DIP2A: variants seen among roughly 807,000 people sequenced by gnomAD.
DIP2A encodes DIP2 acetate--CoA ligase A.
In DIP2A, 85 loss-of-function variants were observed where a neutral mutation model predicts 177.4. The observed-to-expected ratio is 0.48, with a 90% CI of 0.40 to 0.57. The LOEUF (loss-of-function observed/expected upper bound fraction) is 0.57. DIP2A is among the 20% of genes least tolerant of loss of function. DIP2A has a pLI of 0.00. For synonymous variants in DIP2A, 886 were observed against 881.8 expected (o/e 1.00, Z -0.08); for missense variants, 1,791 against 2,100.2 (o/e 0.85, Z 2.88).
Position 46,498,455 on chromosome 21 carries a change from G to T in DIP2A, c.404-127G>T, listed in dbSNP as rs1053469159. On this transcript the variant is annotated intron_variant, in intron 4 of 37. Coordinates refer to ENST00000417564, the MANE Select transcript of DIP2A (RefSeq NM_015151.4). The surrounding 1 kb of genome is among the most constrained non-coding windows in gnomAD (Gnocchi z 4.3). ...CTTTGAGCTGACTGCGTGGCTTTGG[G>T]CAGAGCTGTGCCAGGTGTACAGAAG... 8.4e-7 allele frequency: 1 copy of T among 1,193,734 alleles called. No homozygotes were observed. Among genetic ancestry groups the T allele is most frequent in the Admixed American group, 2.2e-5 (1 of 45,558 alleles). The allele number at this position is 1,193,734 out of a possible 1,614,324, so 73.9% of individuals were successfully genotyped here. A position where few individuals can be genotyped will look rare whatever the true frequency, so the allele number is the denominator to read the frequency against.
chr21:46,477,234 A>G (rs987119922), intron 1 of DIP2A, among the ~76,000 whole-genome samples: 5 of 152,204 alleles, frequency 3.3e-5, no homozygotes, highest in African/African-American at 1.2e-4. Context: ...TAGAATATCA[A>G]AACTAAAGAT....
chr21:46,459,547 TGCCCCTCACCCCCGGAACCCCGCGCG>T (rs1384281503), intron 1 of DIP2A, among the ~76,000 whole-genome samples: 3 of 5,162 alleles, frequency 5.8e-4, no homozygotes, highest in Admixed American at 2.6e-3. Flanking sequence ...CGGGACCTCC[TGCCCCTCACCCCCGGAACCCCGCGCG>T]GCCCCTCACC....
chr21:46,560,406 G>A (rs547538139), intron 32 of DIP2A, among the ~76,000 whole-genome samples: 4 of 152,324 alleles, frequency 2.6e-5, no homozygotes, highest in South Asian at 2.1e-4. Context: ...AAATCCTAAT[G>A]GTGTTTTCAT....
chr21:46,530,420 G>A (rs1414939265), intron 9 of DIP2A, among the ~76,000 whole-genome samples: 1 of 152,176 alleles, frequency 6.6e-6, no homozygotes, highest in East Asian at 1.9e-4. Context: ...GAGTGAGAAA[G>A]AGACAAGAAA....
intron 32 of DIP2A, among the ~76,000 whole-genome samples, chr21:46,559,334 A>G (rs1273005881): frequency 1.3e-5 from 2 of 152,226 alleles, no homozygotes; most frequent in Admixed American, 6.5e-5. Flanking sequence ...CTGGAAGGAA[A>G]TGGCACCTGT....
intron 8 of DIP2A, among the ~76,000 whole-genome samples, chr21:46,522,058 C>A (rs2058847669): frequency 6.6e-6 from 1 of 152,210 alleles, no homozygotes; most frequent in Admixed American, 6.5e-5. Flanking sequence ...ATTTAGCAAA[C>A]CTAATATCTG....
At position 46,493,077 on chromosome 21, in the gene DIP2A, TG is replaced by T. The variant is rs371146371; in HGVS notation, c.283+2359del. On this transcript the variant is annotated intron_variant, in intron 3 of 37. Coordinates refer to ENST00000417564, the MANE Select transcript of DIP2A (RefSeq NM_015151.4). ...ACCGGACACCAACCATGAGGCACCTTGATCTTGGACATACAGTCTCCAGTAA... is the reference window on the plus strand; with the variant it reads ...ACCGGACACCAACCATGAGGCACCTTATCTTGGACATACAGTCTCCAGTAA... 4.9e-4 allele frequency among the ~76,000 whole-genome samples: 75 copies of T among 152,284 alleles called. 1 individual carries two copies. The highest frequency in any genetic ancestry group is 3.4e-3 in the Middle Eastern group (1 of 294).
In DIP2A at chr21:46,558,368, G is replaced by A. The variant is rs1479571486; in HGVS notation, c.3944G>A (p.Arg1315Lys). The change falls in exon 32 of 38, where the codon AGG becomes AAG. Residue 1315 changes from arginine (R) to lysine (K), a missense_variant. Coordinates refer to ENST00000417564, the MANE Select transcript of DIP2A (RefSeq NM_015151.4). ...ARAVSTTFGCRVNVAICLQGT... is the reference protein window; with the variant it reads ...ARAVSTTFGCKVNVAICLQGT... ...GCCGTAAGCACCACGTTCGGGTGCA[G>A]GGTCAACGTGGCCATCTGCCTCCAG... 6.3e-7 allele frequency: 1 copy of A among 1,596,650 alleles called. No homozygotes were observed. Among genetic ancestry groups the A allele is most frequent in the Non-Finnish European group, 8.5e-7 (1 of 1,173,488 alleles).
intron 1 of DIP2A, among the ~76,000 whole-genome samples, chr21:46,476,309 G>T (rs538181780): frequency 5.9e-5 from 9 of 152,184 alleles, no homozygotes; most frequent in Admixed American, 3.9e-4. Context: ...ACTAACTGCC[G>T]TGTGGTATTA....
intron 9 of DIP2A, among the ~76,000 whole-genome samples, chr21:46,529,416 A>G (rs529984392): frequency 1.3e-5 from 2 of 152,240 alleles, no homozygotes; most frequent in South Asian, 2.1e-4. Flanking sequence ...CCTGGGCAAC[A>G]TGGCAAAACC....
At chr21:46,473,133 A>G (rs556837734) in intron 1 of DIP2A, among the ~76,000 whole-genome samples, 71 of 152,300 alleles carry the variant, frequency 4.7e-4, no homozygotes, top group African/African-American at 1.7e-3. Flanking sequence ...TTTTATTCCT[A>G]CCACTGCTCT....
intron 8 of DIP2A, among the ~76,000 whole-genome samples, chr21:46,522,313 C>T (rs892917040): frequency 3.9e-5 from 6 of 152,182 alleles, no homozygotes; most frequent in East Asian, 1.9e-4. Context: ...ATCCAGGAGA[C>T]GTAAGATTTT....
At position 46,563,675 on chromosome 21, in the gene DIP2A, A is replaced by G; in HGVS notation, c.4090-183A>G. On this transcript the variant is annotated intron_variant, in intron 34 of 37. Transcript: ENST00000417564. This position sits in a 1 kb window ranked among gnomAD's most constrained non-coding sequence, Gnocchi z 4.3. ...TGGAGTCATTTTGCTTATTTCTATTAACATCTCTTATTTCTTTCAAAATTC... is the reference window on the plus strand; with the variant it reads ...TGGAGTCATTTTGCTTATTTCTATTGACATCTCTTATTTCTTTCAAAATTC... 1 of 1,155,688 alleles carries G rather than the reference A, an allele frequency of 8.7e-7. No individual in the cohort carries two copies. The allele number at this position is 1,155,688 out of a possible 1,614,324, so 71.6% of individuals were successfully genotyped here.
At chr21:46,543,512 T>TC (rs1423562782) in intron 18 of DIP2A, among the ~76,000 whole-genome samples, 2 of 64,086 alleles carry the variant, frequency 3.1e-5, no homozygotes, top group Non-Finnish European at 6.7e-5. Flanking sequence ...CATGCAGCGC[T>TC]CCCCCTCTGC....
chr21:46,528,631 A>G (rs773808248), intron 8 of DIP2A, among the ~76,000 whole-genome samples: 9 of 137,714 alleles, frequency 6.5e-5, no homozygotes, highest in African/African-American at 1.1e-4. Context: ...GGTTCAAGCA[A>G]TTCTCATGCT....
In DIP2A at chr21:46,484,797, G is replaced by A. The variant is rs1186438030; in HGVS notation, c.132G>A (p.Lys44=). ...AAGGATATGAAAAGAAAAGGGCAAA[G>A]CTGCTTGCACGTTATATACCGCTTA... ...TQKGYEKKRA[K]LLARYIPLIQ... Residue 44 remains lysine (K), a synonymous_variant, in exon 2 of 38, where the codon AAG becomes AAA. Transcript: ENST00000417564. 3.8e-6 allele frequency: 6 copies of A among 1,585,576 alleles called. No individual in the cohort carries two copies. The highest frequency in any genetic ancestry group is 5.1e-6 in the Non-Finnish European group (6 of 1,165,548).
chr21:46,473,693 T>A (rs1393142446), intron 1 of DIP2A, among the ~76,000 whole-genome samples: 1 of 152,094 alleles, frequency 6.6e-6, no homozygotes, highest in Non-Finnish European at 1.5e-5. Flanking sequence ...TTTTTGTATT[T>A]TTAGTAAAGA....
In DIP2A at chr21:46,537,337, G is replaced by A. The variant is rs1351011799; in HGVS notation, c.1707+49G>A. ...AACTGTTGGAACAAGGGATTGAGAT[G>A]AACCCAAGCCTCTGCCTGAAATGTT... On this transcript the variant is annotated intron_variant, in intron 14 of 37. Coordinates refer to ENST00000417564, the MANE Select transcript of DIP2A (RefSeq NM_015151.4). This position sits in a 1 kb window ranked among gnomAD's most constrained non-coding sequence, Gnocchi z 4.1. 3.1e-6 allele frequency: 5 copies of A among 1,612,142 alleles called. No homozygotes were observed. The African/African-American group carries it at 4.0e-5, about 13-fold the overall frequency.
Position 46,557,895 on chromosome 21 carries a change from T to A in DIP2A, c.3798+142T>A. The A allele has an allele frequency of 9.4e-7, 1 of 1,062,128 alleles. No individual in the cohort carries two copies. Among genetic ancestry groups the A allele is most frequent in the Non-Finnish European group, 1.3e-6 (1 of 752,062 alleles). The allele number at this position is 1,062,128 out of a possible 1,614,324, so 65.8% of individuals were successfully genotyped here. The stretch of plus-strand genomic sequence containing the variant: ...GAAAACCCTTTCCCACTAGGGGCCC[T>A]ATGTACACATCTGTCCTCCCACGGC... On this transcript the variant is annotated intron_variant, in intron 31 of 37. Coordinates refer to ENST00000417564, the MANE Select transcript of DIP2A (RefSeq NM_015151.4). This position sits in a 1 kb window ranked among gnomAD's most constrained non-coding sequence, Gnocchi z 6.0.
Sources: allele counts gnomAD v4.1 joint callset (sites outside exome capture counted in the v4.1 genomes callset), GRCh38; gene constraint gnomAD v4.1.1; non-coding constraint Gnocchi (gnomAD v3.1); transcripts MANE v1.5; gene names NCBI Gene and HGNC (gene_info 2026-07-23, HGNC 2026-07-21).